GREM2: variants seen among roughly 807,000 people sequenced by gnomAD.
GREM2 encodes the protein gremlin 2, DAN family BMP antagonist, also known as gremlin-2.
Under a neutral mutation model 14.2 loss-of-function variants are expected in GREM2, and 11 were observed. The ratio of observed to expected loss-of-function variants is 0.78; its 90% CI spans 0.49 to 1.28. The LOEUF (loss-of-function observed/expected upper bound fraction) is 1.28, where lower values mean the gene tolerates loss of function less well. Ranked by LOEUF, GREM2 falls within the 50% of genes most tolerant of loss-of-function variation. The pLI is 0.00. For missense variants in GREM2, 210 were observed against 218.5 expected (o/e 0.96, Z 0.24); for synonymous variants, 98 against 97.6 (o/e 1.00, Z -0.02).
chr1:240,547,532 T>TATATATATAGACAGATAGATAG (rs1187770486), intron 1 of GREM2, among the ~76,000 whole-genome samples: 1,946 of 121,576 alleles, frequency 0.016, 84 homozygotes, highest in African/African-American at 0.068. Flanking sequence ...TATATATATA[T>TATATATATAGACAGATAGATAG]ATAGATAGAT....
intron 1 of GREM2, among the ~76,000 whole-genome samples, chr1:240,567,264 G>T (rs565549979): frequency 1.8e-4 from 27 of 152,038 alleles, no homozygotes; most frequent in African/African-American, 5.3e-4. Flanking sequence ...AGGAGAAGAA[G>T]AATAATTGAA....
rs202165795 is a variant in GREM2 at position 240,493,304 on chromosome 1, C to G, written c.172G>C (p.Glu58Gln). 24 of 1,613,938 alleles carry G rather than the reference C, an allele frequency of 1.5e-5. No homozygotes were observed. The highest frequency in any genetic ancestry group is 2.0e-5 in the Non-Finnish European group (24 of 1,180,010). The change falls in exon 2 of 2, where the codon GAG becomes CAG. Residue 58 changes from glutamate to glutamine, a missense_variant. Coordinates refer to ENST00000318160, the MANE Select transcript of GREM2 (RefSeq NM_022469.4). Reference sequence around the variant, plus strand: ...TTGCGCTCGGTGACCACCAGGGCCTCCTGGCTGGAGGCCAGCACCTCCTTG... The same window carrying G: ...TTGCGCTCGGTGACCACCAGGGCCTGCTGGCTGGAGGCCAGCACCTCCTTG... ...QIKEVLASSQEALVVTERKYL... is the reference protein window; with the variant it reads ...QIKEVLASSQQALVVTERKYL...
rs73115513 is a variant in GREM2, at chr1:240,590,283, C to T, written c.-2+21601G>A. Among the ~76,000 whole-genome samples, 293 of 152,240 alleles carry T rather than the reference C, an allele frequency of 1.9e-3. 1 individual carries two copies. Among genetic ancestry groups the T allele is most frequent in the African/African-American group, 6.6e-3 (275 of 41,542 alleles). On this transcript the variant is annotated intron_variant, in intron 1 of 1. Transcript: ENST00000318160. ...CCTTGGCTGTGGCCCTGTAGTATCT[C>T]GATAGCTTGCCAGTTTTTGCACCTC...
In GREM2 at chr1:240,540,205, T is replaced by C. The variant is rs969506597; in HGVS notation, c.-1-46729A>G. On this transcript the variant is annotated intron_variant, in intron 1 of 1. Coordinates refer to ENST00000318160, the MANE Select transcript of GREM2 (RefSeq NM_022469.4). This position sits in a 1 kb window ranked among gnomAD's most constrained non-coding sequence, Gnocchi z 4.2. ...GTACACACACCAAACCACAGGAGCC[T>C]GAGTGAGGGTCCGTAATGACAGAGC... Among the ~76,000 whole-genome samples the C allele has an allele frequency of 3.3e-5, 5 of 152,218 alleles. No individual in the cohort carries two copies. The highest frequency in any genetic ancestry group is 7.3e-5 in the Non-Finnish European group (5 of 68,038).
chr1:240,500,843 G>A (rs904129049), intron 1 of GREM2, among the ~76,000 whole-genome samples: 8 of 152,144 alleles, frequency 5.3e-5, no homozygotes, highest in Non-Finnish European at 1.0e-4. Context: ...ATGCCCATCT[G>A]TTAGAGTTTT....
At chr1:240,600,774 G>A (rs972661182) in intron 1 of GREM2, among the ~76,000 whole-genome samples, 6 of 152,038 alleles carry the variant, frequency 3.9e-5, no homozygotes, top group African/African-American at 1.4e-4. Context: ...GTGAGCCACC[G>A]TGCCTGGCTG....
At chr1:240,539,584 A>G (rs141086763) in intron 1 of GREM2, among the ~76,000 whole-genome samples, 1 of 152,216 alleles carries the variant, frequency 6.6e-6, no homozygotes, top group Non-Finnish European at 1.5e-5. Flanking sequence ...AAAATGCATA[A>G]GCATTTCTGG....
At chr1:240,505,594 A>T (rs111951059) in intron 1 of GREM2, among the ~76,000 whole-genome samples, 86 of 152,206 alleles carry the variant, frequency 5.7e-4, no homozygotes, top group African/African-American at 2.0e-3. Flanking sequence ...GGGTATATTT[A>T]TGCCTTTTTT....
chr1:240,509,848 A>T (rs1677765499), intron 1 of GREM2, among the ~76,000 whole-genome samples: 1 of 152,138 alleles, frequency 6.6e-6, no homozygotes, highest in Non-Finnish European at 1.5e-5. Context: ...TATGAAGAAG[A>T]TCATCTGTAT....
chr1:240,553,173 C>T (rs1192586911), intron 1 of GREM2, among the ~76,000 whole-genome samples: 1 of 152,122 alleles, frequency 6.6e-6, no homozygotes, highest in Admixed American at 6.6e-5. Context: ...TTTCAGACAT[C>T]GGGTGAAGCT....
chr1:240,555,400 C>T (rs915729608), intron 1 of GREM2, among the ~76,000 whole-genome samples: 1 of 152,042 alleles, frequency 6.6e-6, no homozygotes, highest in African/African-American at 2.4e-5. Context: ...TGGCACAAAG[C>T]ATAAGGCCAA....
At chr1:240,570,809 A>C (rs1198282197) in intron 1 of GREM2, among the ~76,000 whole-genome samples, 1 of 152,194 alleles carries the variant, frequency 6.6e-6, no homozygotes, top group Non-Finnish European at 1.5e-5. Context: ...CATGTCATGA[A>C]TACTTTTACC....
At chr1:240,575,283 C>G (rs1236002925) in intron 1 of GREM2, among the ~76,000 whole-genome samples, 1 of 151,908 alleles carries the variant, frequency 6.6e-6, no homozygotes, top group Non-Finnish European at 1.5e-5. Flanking sequence ...TTGGTTCTAC[C>G]TCCTCTTTTA....
intron 1 of GREM2, among the ~76,000 whole-genome samples, chr1:240,606,881 T>G (rs1680036508): frequency 6.6e-6 from 1 of 152,006 alleles, no homozygotes; most frequent in African/African-American, 2.4e-5. Context: ...TTTCACCATG[T>G]TGGCCAGGCT....
intron 1 of GREM2, among the ~76,000 whole-genome samples, chr1:240,585,237 C>T (rs945062565): frequency 2.0e-5 from 3 of 151,970 alleles, no homozygotes; most frequent in East Asian, 3.9e-4. Context: ...AGGAAGGTCC[C>T]GAGGGTGCAG....
intron 1 of GREM2, among the ~76,000 whole-genome samples, chr1:240,526,179 A>G (rs889895019): frequency 6.6e-6 from 1 of 152,074 alleles, no homozygotes; most frequent in Non-Finnish European, 1.5e-5. Flanking sequence ...GGTTCCAGGG[A>G]TTAGGACGTG....
At chr1:240,525,029 T>C (rs1209562716) in intron 1 of GREM2, among the ~76,000 whole-genome samples, 1 of 90,354 alleles carries the variant, frequency 1.1e-5, no homozygotes, top group East Asian at 3.6e-4. Flanking sequence ...TTTCTCTACT[T>C]CCTCGGGAAC....
chr1:240,575,996 G>T (rs905542245), intron 1 of GREM2, among the ~76,000 whole-genome samples: 7 of 151,166 alleles, frequency 4.6e-5, no homozygotes, highest in Admixed American at 2.6e-4. Context: ...AGAAAGAAAA[G>T]AAATGTGCCC....
intron 1 of GREM2, among the ~76,000 whole-genome samples, chr1:240,521,209 C>T (rs6699677): frequency 8.5e-5 from 13 of 152,088 alleles, no homozygotes; most frequent in African/African-American, 2.9e-4. Flanking sequence ...TATAGATGTC[C>T]ACACACAAAG....
Sources: allele counts gnomAD v4.1 joint callset (sites outside exome capture counted in the v4.1 genomes callset), GRCh38; gene constraint gnomAD v4.1.1; non-coding constraint Gnocchi (gnomAD v3.1); transcripts MANE v1.5; gene names NCBI Gene and HGNC (gene_info 2026-07-23, HGNC 2026-07-21).